The following NDUFAF6 variants were observed in gnomAD, a reference collection of about 807,000 sequenced individuals.
NDUFAF6 encodes NADH dehydrogenase (ubiquinone) complex I, assembly factor 6.
NDUFAF6 carries 45 observed loss-of-function variants against 40.8 expected under a neutral mutation model. The observed-to-expected ratio is 1.10, with a 90% confidence interval of 0.87 to 1.42. The LOEUF is 1.42. NDUFAF6 is among the 40% of genes most tolerant of loss of function. The pLI, the probability that NDUFAF6 is intolerant of heterozygous loss-of-function variation, is 0.00. For missense variants in NDUFAF6, 435 were observed against 418.5 expected (o/e 1.04, Z -0.34); for synonymous variants, 185 against 155.9 (o/e 1.19, Z -1.39).
chr8:94,967,659 C>T (rs906083573), intron 1 of NDUFAF6, among the ~76,000 whole-genome samples: 2 of 151,904 alleles, frequency 1.3e-5, no homozygotes, highest in East Asian at 1.9e-4. Context: ...AGCCACCGCA[C>T]CACGGGCGCG....
chr8:95,004,113 A>C (rs1826854991), intron 2 of NDUFAF6, among the ~76,000 whole-genome samples: 1 of 152,122 alleles, frequency 6.6e-6, no homozygotes, highest in East Asian at 1.9e-4. Flanking sequence ...TGTCCTCTGC[A>C]GACCTGGCTT....
At position 95,025,167 on chromosome 8, in the gene NDUFAF6, CGCCTGG is replaced by C. The variant is rs771923865; in HGVS notation, c.161_166del (p.Ala54_Trp55del). On this transcript the variant is annotated inframe_deletion, in exon 1 of 9. Transcript: ENST00000396124. ...GCGTGGCTGCGGCCAGCGGACCGGGCGCCTGGGGCACTGACCACTACTGCCTGGAGC... is the reference window on the plus strand; with the variant it reads ...GCGTGGCTGCGGCCAGCGGACCGGGCGGCACTGACCACTACTGCCTGGAGC... The C allele has an allele frequency of 1.4e-6, 2 of 1,480,684 alleles. No individual in the cohort carries two copies. The highest frequency in any genetic ancestry group is 2.6e-5 in the South Asian group (2 of 77,024). 91.7% of individuals were successfully genotyped at this position (1,480,684 alleles called of 1,614,324 possible). A position where few individuals can be genotyped will look rare whatever the true frequency, so the allele number is the denominator to read the frequency against.
At chr8:95,009,301 A>C (rs781561323) in intron 2 of NDUFAF6, among the ~76,000 whole-genome samples, 1 of 152,220 alleles carries the variant, frequency 6.6e-6, no homozygotes, top group Non-Finnish European at 1.5e-5. Flanking sequence ...CCAGCACATA[A>C]TACATATATA....
At chr8:94,914,212 G>A (rs947882822) in intron 1 of NDUFAF6, among the ~76,000 whole-genome samples, 4 of 144,176 alleles carry the variant, frequency 2.8e-5, no homozygotes, top group East Asian at 2.2e-4. Context: ...TATAGTTTTA[G>A]TGGATAAACT....
chr8:95,018,967 A>G lies in NDUFAF6; in HGVS notation c.-83-13028A>G, dbSNP rs541933189. Reference sequence around the variant, plus strand: ...CTCCACCCATTTCTCTCCCATGTTGAAAATGACATTATCATCAGGATAACT... The same window carrying G: ...CTCCACCCATTTCTCTCCCATGTTGGAAATGACATTATCATCAGGATAACT... On this transcript the variant is annotated intron_variant, in intron 2 of 9. Coordinates refer to the NDUFAF6 transcript ENST00000396111. Among the ~76,000 whole-genome samples the G allele has an allele frequency of 4.6e-5, 7 of 152,338 alleles. No individual in the cohort carries two copies. In the South Asian group the frequency reaches 1.4e-3, roughly 32 times the overall value.
downstream of NDUFAF6, among the ~76,000 whole-genome samples, chr8:95,063,343 G>C (rs962823106): frequency 3.9e-5 from 6 of 152,202 alleles, no homozygotes; most frequent in Non-Finnish European, 7.3e-5. Context: ...GCTCACGCCT[G>C]TAATCTCAAC....
chr8:95,078,811 G>C (rs770375524), downstream of NDUFAF6, among the ~76,000 whole-genome samples: 8 of 151,970 alleles, frequency 5.3e-5, no homozygotes, highest in South Asian at 4.2e-4. Context: ...CAGTTTGCAG[G>C]CTTCTCAACC....
upstream of NDUFAF6, among the ~76,000 whole-genome samples, chr8:95,096,141 C>G (rs1809457250): frequency 6.6e-6 from 1 of 152,144 alleles, no homozygotes; most frequent in South Asian, 2.1e-4. Context: ...AGTTTAATTG[C>G]TGACAAGGAG....
chr8:94,960,636 C>T (rs11787303), intron 1 of NDUFAF6, among the ~76,000 whole-genome samples: 19,916 of 152,172 alleles, frequency 0.13, 1,637 homozygotes, highest in Middle Eastern at 0.23. Flanking sequence ...ATCTTCTTAC[C>T]AACCTTTCTG....
chr8:95,118,386 G>A (rs890931497), downstream of NDUFAF6, among the ~76,000 whole-genome samples: 2 of 152,182 alleles, frequency 1.3e-5, no homozygotes, highest in Admixed American at 6.5e-5. Flanking sequence ...GGTGCAATGA[G>A]TAGCATATGT....
chr8:94,907,255 T>G (rs1243634122), intron 1 of NDUFAF6, among the ~76,000 whole-genome samples: 1 of 152,212 alleles, frequency 6.6e-6, no homozygotes, highest in Non-Finnish European at 1.5e-5. Flanking sequence ...TGCATTTCTC[T>G]TAAGTTTTCA....
chr8:94,947,301 C>G (rs1187104557), intron 2 of NDUFAF6, among the ~76,000 whole-genome samples: 1 of 150,042 alleles, frequency 6.7e-6, no homozygotes, highest in Non-Finnish European at 1.5e-5. Flanking sequence ...AAAAAAAAAA[C>G]CCGCAAGTTT....
chr8:95,034,408 G>A (rs1237891424), intron 2 of NDUFAF6, among the ~76,000 whole-genome samples: 1 of 152,088 alleles, frequency 6.6e-6, no homozygotes, highest in African/African-American at 2.4e-5. Context: ...AAATGACCCA[G>A]TAAGGTCTTT....
intron 2 of NDUFAF6, among the ~76,000 whole-genome samples, chr8:95,087,318 AT>A (rs967119855): frequency 6.6e-5 from 10 of 151,806 alleles, no homozygotes; most frequent in Admixed American, 3.3e-4. Context: ...ATCCCCAAAG[AT>A]TTTTTTTATA....
At chr8:95,108,182 A>G (rs1236310575), downstream of NDUFAF6, among the ~76,000 whole-genome samples, 1 of 152,182 alleles carries the variant, frequency 6.6e-6, no homozygotes, top group Non-Finnish European at 1.5e-5. Context: ...TAAATATAGA[A>G]TTACAATTTT....
downstream of NDUFAF6, among the ~76,000 whole-genome samples, chr8:95,105,842 C>T (rs1175766525): frequency 6.6e-6 from 1 of 151,882 alleles, no homozygotes; most frequent in African/African-American, 2.4e-5. Flanking sequence ...TGCTATGTTG[C>T]CCAGGCTGGT....
intron 1 of NDUFAF6, among the ~76,000 whole-genome samples, chr8:94,960,253 A>G (rs1823456697): frequency 6.6e-6 from 1 of 152,234 alleles, no homozygotes; most frequent in African/African-American, 2.4e-5. Flanking sequence ...GTGCTTTCAC[A>G]TAGCTGCCAA....
At chr8:94,907,152 G>T (rs542622293) in intron 1 of NDUFAF6, among the ~76,000 whole-genome samples, 2 of 151,326 alleles carry the variant, frequency 1.3e-5, no homozygotes, top group South Asian at 4.2e-4. Flanking sequence ...CTCTCCTGCG[G>T]TTACTCTAGC....
chr8:95,062,814 A>G (rs993535835), downstream of NDUFAF6, among the ~76,000 whole-genome samples: 1 of 152,234 alleles, frequency 6.6e-6, no homozygotes, highest in Non-Finnish European at 1.5e-5. Flanking sequence ...AACCTAAAGT[A>G]GATCCTGTTG....
Sources: gnomAD v4.1 joint callset for allele counts (sites outside exome capture counted in the v4.1 genomes callset) on GRCh38, gnomAD v4.1.1 for gene constraint, MANE v1.5 for transcripts, NCBI Gene and HGNC (gene_info 2026-07-23, HGNC 2026-07-21) for gene names.